Variants in DCP1B observed in about 807,000 individuals in gnomAD.
The protein encoded by DCP1B is mRNA-decapping enzyme 1B.
A neutral mutation model predicts 60.5 loss-of-function variants in DCP1B; 47 were observed. The observed-to-expected ratio is 0.78, with a 90% CI of 0.61 to 0.99. DCP1B has a LOEUF of 0.99. Ranked by LOEUF, DCP1B falls within the 50% of genes least tolerant of loss-of-function variation. The pLI is 0.00. For missense variants in DCP1B, 725 were observed against 756.8 expected (o/e 0.96, Z 0.49); for synonymous variants, 267 against 280.3 (o/e 0.95, Z 0.47).
intron 5 of DCP1B, among the ~76,000 whole-genome samples, chr12:1,958,839 TC>T (rs2031008859): frequency 1.3e-5 from 1 of 75,146 alleles, no homozygotes; most frequent in Non-Finnish European, 2.5e-5. Flanking sequence ...GGGGAAAAGC[TC>T]CCCAACGTCG....
At chr12:1,990,179 T>C (rs1263329639) in intron 3 of DCP1B, among the ~76,000 whole-genome samples, 2 of 152,210 alleles carry the variant, frequency 1.3e-5, no homozygotes, top group Non-Finnish European at 2.9e-5. Flanking sequence ...TATTCTCATT[T>C]ATAAAACAGG....
At chr12:1,964,500 TTC>T (rs2031229535) in intron 5 of DCP1B, among the ~76,000 whole-genome samples, 1 of 152,226 alleles carries the variant, frequency 6.6e-6, no homozygotes, top group South Asian at 2.1e-4. Flanking sequence ...GATTTCTCTT[TTC>T]CTAGATTATA....
chr12:1,953,289 C>A lies in DCP1B; in HGVS notation c.652-1G>T, dbSNP rs756645538. On this transcript the variant is annotated splice_acceptor_variant, in intron 6 of 8. Transcript: ENST00000280665. LOFTEE classifies it high-confidence loss of function. Reference sequence around the variant, plus strand: ...AGTGTTGGGGTTCAGGGTCTAAGGTCTGGAAAAAATAAAGATATCTGACAT... The same window carrying A: ...AGTGTTGGGGTTCAGGGTCTAAGGTATGGAAAAAATAAAGATATCTGACAT... The A allele has an allele frequency of 6.4e-7, 1 of 1,558,530 alleles. No homozygotes were observed. Among genetic ancestry groups the A allele is most frequent in the East Asian group, 2.3e-5 (1 of 44,364 alleles).
At chr12:1,973,947 C>T (rs2033422776) in intron 3 of DCP1B, among the ~76,000 whole-genome samples, 1 of 152,184 alleles carries the variant, frequency 6.6e-6, no homozygotes, top group African/African-American at 2.4e-5. Flanking sequence ...TTTCTCACTC[C>T]TCTAGGAATA....
rs913185822 is a variant in DCP1B, at chr12:1,996,646, A to C, written c.191+1289T>G. ...AAAAAAAAAAAAAAAAAAAAAAAAA[A>C]AAAAAAAAACAACAAACTCTTCTAA... On this transcript the variant is annotated intron_variant, in intron 2 of 8. Coordinates refer to ENST00000280665, the MANE Select transcript of DCP1B (RefSeq NM_152640.5). Among the ~76,000 whole-genome samples the C allele has an allele frequency of 2.5e-3, 146 of 57,460 alleles. 2 individuals are homozygous for C. Among genetic ancestry groups the C allele is most frequent in the African/African-American group, 0.011 (132 of 11,650 alleles). 37.7% of individuals were successfully genotyped at this position (57,460 alleles called of 152,430 possible). A position where few individuals can be genotyped will look rare whatever the true frequency, so the allele number is the denominator to read the frequency against.
At chr12:1,953,362 C>T (rs1299634515) in intron 6 of DCP1B, 74 bp from the exon 7 acceptor site, 2 of 1,420,222 alleles carry the variant, frequency 1.4e-6, no homozygotes, top group African/African-American at 1.4e-5. Flanking sequence ...TGAAACATAA[C>T]TTATCTGATG....
intron 5 of DCP1B, among the ~76,000 whole-genome samples, chr12:1,963,624 T>A (rs1482211107): frequency 2.0e-5 from 3 of 152,214 alleles, no homozygotes; most frequent in Admixed American, 2.0e-4. Context: ...CTGTTGATGT[T>A]AGAATGTGGT....
At chr12:1,989,240 C>G (rs1390596382) in intron 3 of DCP1B, among the ~76,000 whole-genome samples, 3 of 152,126 alleles carry the variant, frequency 2.0e-5, no homozygotes, top group Admixed American at 6.5e-5. Context: ...TTTAAATTAT[C>G]TGGATATGGC....
intron 3 of DCP1B, among the ~76,000 whole-genome samples, chr12:1,973,870 C>T (rs1486477396): frequency 1.3e-5 from 2 of 152,136 alleles, no homozygotes; most frequent in Admixed American, 1.3e-4. Flanking sequence ...TCCTTGGCCA[C>T]AAATATCATG....
chr12:1,969,221 G>A (rs929797645), intron 3 of DCP1B, among the ~76,000 whole-genome samples: 3 of 152,042 alleles, frequency 2.0e-5, no homozygotes, highest in African/African-American at 7.3e-5. Context: ...CCTCTTACCT[G>A]ACCAATGTCT....
rs575595383 is a variant in DCP1B, at chr12:1,992,778, G to A, written c.319+486C>T. On this transcript the variant is annotated intron_variant, in intron 3 of 8. Transcript: ENST00000280665. Reference sequence around the variant, plus strand: ...TCTTAATGACTGAAAGAAACTTTTTGGACTTTGATTTTTTATTTACTTGTA... The same window carrying A: ...TCTTAATGACTGAAAGAAACTTTTTAGACTTTGATTTTTTATTTACTTGTA... 2 of 205,962 alleles carry A rather than the reference G, an allele frequency of 9.7e-6. 1 individual carries two copies. The highest frequency in any genetic ancestry group is 2.6e-4 in the South Asian group (2 of 7,812). 12.8% of individuals were successfully genotyped at this position (205,962 alleles called of 1,614,324 possible). A position where few individuals can be genotyped will look rare whatever the true frequency, so the allele number is the denominator to read the frequency against.
chr12:1,958,518 T>C lies in DCP1B; in HGVS notation c.523-2958A>G, dbSNP rs574817501. Among the ~76,000 whole-genome samples, 118 of 122,888 alleles carry C rather than the reference T, an allele frequency of 9.6e-4. 1 individual carries two copies. The highest frequency in any genetic ancestry group is 3.6e-3 in the African/African-American group (113 of 31,626). The allele number at this position is 122,888 out of a possible 152,430, so 80.6% of individuals were successfully genotyped here. On this transcript the variant is annotated intron_variant, in intron 5 of 8. Coordinates refer to ENST00000280665, the MANE Select transcript of DCP1B (RefSeq NM_152640.5). ...GGAAGAAGACAGGGGAAAAGCTCCC[T>C]AACGTCGCTCTGCGCAATGGCTTTT...
chr12:1,973,570 T>C (rs1261425304), intron 3 of DCP1B, among the ~76,000 whole-genome samples: 1 of 152,228 alleles, frequency 6.6e-6, no homozygotes, highest in East Asian at 1.9e-4. Flanking sequence ...TCAATCTTCC[T>C]AATCTTCCCA....
At chr12:1,951,785 A>T (rs2030678541) in intron 7 of DCP1B, among the ~76,000 whole-genome samples, 1 of 152,364 alleles carries the variant, frequency 6.6e-6, no homozygotes, top group Non-Finnish European at 1.5e-5. Context: ...GTAAGTGCTC[A>T]AAAATATTTA....
chr12:1,982,864 T>G (rs1176601384), intron 3 of DCP1B, among the ~76,000 whole-genome samples: 4 of 152,148 alleles, frequency 2.6e-5, no homozygotes, highest in Non-Finnish European at 4.4e-5. Context: ...ATTGGTATTA[T>G]TCCTCCCTTG....
In DCP1B at chr12:1,965,927, C is replaced by G. The variant is rs893965077; in HGVS notation, c.387-234G>C. Among the ~76,000 whole-genome samples, 93 of 152,202 alleles carry G rather than the reference C, an allele frequency of 6.1e-4. 1 individual carries two copies. Among genetic ancestry groups the G allele is most frequent in the African/African-American group, 2.2e-3 (93 of 41,440 alleles). Reference sequence around the variant, plus strand: ...CTGTGGGCCAAGTCCAGCCCACCACCTGTTTTTTGTAAAGAAAGTCACAAA... The same window carrying G: ...CTGTGGGCCAAGTCCAGCCCACCACGTGTTTTTTGTAAAGAAAGTCACAAA... On this transcript the variant is annotated intron_variant, in intron 4 of 8. Coordinates refer to ENST00000280665, the MANE Select transcript of DCP1B (RefSeq NM_152640.5).
At chr12:1,993,085 A>G (rs765067438) in intron 3 of DCP1B, 179 bp downstream of exon 3, 5 of 837,306 alleles carry the variant, frequency 6.0e-6, no homozygotes, top group Non-Finnish European at 1.0e-5. Flanking sequence ...AACTCTTCCA[A>G]GGAAGAATCT....
chr12:1,947,988 G>A (rs1490799208), intron 8 of DCP1B, among the ~76,000 whole-genome samples: 1 of 152,184 alleles, frequency 6.6e-6, no homozygotes. Flanking sequence ...TTTTAAAAAT[G>A]TTGTACTAAT....
At chr12:1,975,676 CTA>C (rs1314337188) in intron 3 of DCP1B, among the ~76,000 whole-genome samples, 2 of 152,268 alleles carry the variant, frequency 1.3e-5, no homozygotes, top group South Asian at 2.1e-4. Flanking sequence ...AATAGCATTA[CTA>C]TGTTTTCTTG....
Sources: allele counts gnomAD v4.1 joint callset (sites outside exome capture counted in the v4.1 genomes callset), GRCh38; gene constraint gnomAD v4.1.1; transcripts MANE v1.5; gene names NCBI Gene and HGNC (gene_info 2026-07-23, HGNC 2026-07-21).